BICC1: variants seen among roughly 807,000 people sequenced by gnomAD.
BICC1 encodes BicC family RNA binding protein 1.
A neutral mutation model predicts 111.0 loss-of-function variants in BICC1; 43 were observed. The observed-to-expected ratio is 0.39, with a 90% CI of 0.30 to 0.50. The LOEUF (loss-of-function observed/expected upper bound fraction) is 0.50, where lower values mean the gene tolerates loss of function less well. Ranked by LOEUF, BICC1 falls within the 20% of genes least tolerant of loss-of-function variation. The pLI is 0.88. For missense variants in BICC1, 1,091 were observed against 1,203.2 expected (o/e 0.91, Z 1.38); for synonymous variants, 467 against 434.4 (o/e 1.07, Z -0.93).
chr10:58,683,943 G>A (rs559134282), intron 2 of BICC1, among the ~76,000 whole-genome samples: 2 of 152,308 alleles, frequency 1.3e-5, no homozygotes, highest in South Asian at 2.1e-4. Flanking sequence ...GGGCATCCCT[G>A]TCTTGTGCCA....
At chr10:58,543,287 C>G (rs918301638) in intron 1 of BICC1, among the ~76,000 whole-genome samples, 1 of 152,072 alleles carries the variant, frequency 6.6e-6, no homozygotes, top group Non-Finnish European at 1.5e-5. Context: ...CATGATTCCA[C>G]TTACATGAGG....
chr10:58,707,731 C>T (rs1054348476), intron 3 of BICC1, among the ~76,000 whole-genome samples: 15 of 151,824 alleles, frequency 9.9e-5, no homozygotes, highest in South Asian at 8.3e-4. Flanking sequence ...GAGTTTTGCT[C>T]TTATTGCCCA....
intron 2 of BICC1, among the ~76,000 whole-genome samples, chr10:58,652,404 G>A (rs895817925): frequency 1.3e-5 from 2 of 152,010 alleles, no homozygotes; most frequent in Non-Finnish European, 2.9e-5. Flanking sequence ...TCTTTTGCTC[G>A]TAAATCTGAA....
intron 3 of BICC1, among the ~76,000 whole-genome samples, chr10:58,768,747 TATAAG>T (rs1842528926): frequency 1.3e-5 from 2 of 152,076 alleles, no homozygotes; most frequent in Non-Finnish European, 2.9e-5. Context: ...GACTCATAAC[TATAAG>T]ATGTTTTGTG....
At chr10:58,667,159 C>T (rs2132309963) in intron 2 of BICC1, among the ~76,000 whole-genome samples, 1 of 152,182 alleles carries the variant, frequency 6.6e-6, no homozygotes, top group Non-Finnish European at 1.5e-5. Context: ...GTTTGTACCT[C>T]TGTAGATTAT....
intron 3 of BICC1, among the ~76,000 whole-genome samples, chr10:58,744,632 G>A (rs1176272135): frequency 6.6e-6 from 1 of 151,934 alleles, no homozygotes; most frequent in Non-Finnish European, 1.5e-5. Flanking sequence ...CATTGAAGAG[G>A]AAGCATAAAA....
chr10:58,693,731 G>A (rs1254417267), intron 2 of BICC1, among the ~76,000 whole-genome samples: 1 of 151,974 alleles, frequency 6.6e-6, no homozygotes, highest in Non-Finnish European at 1.5e-5. Flanking sequence ...TTGTAAATTT[G>A]TTTGAGTTCA....
chr10:58,544,005 TG>T (rs1459260724), intron 1 of BICC1, among the ~76,000 whole-genome samples: 3 of 152,072 alleles, frequency 2.0e-5, no homozygotes, highest in Non-Finnish European at 4.4e-5. Flanking sequence ...GAGTCATAAC[TG>T]GTTACCTTTG....
At chr10:58,648,598 TTTC>T in intron 2 of BICC1, 1 of 984,362 alleles carries the variant, frequency 1.0e-6, no homozygotes, top group East Asian at 1.1e-4. Context: ...TCTCTCTCTC[TTTC>T]TCTCTCTCTT....
intron 2 of BICC1, among the ~76,000 whole-genome samples, chr10:58,679,464 C>A (rs1463685749): frequency 1.3e-5 from 2 of 152,144 alleles, no homozygotes; most frequent in Non-Finnish European, 2.9e-5. Context: ...TGGACACATA[C>A]ACCCTCCAAA....
intron 2 of BICC1, among the ~76,000 whole-genome samples, chr10:58,651,790 A>G (rs960342546): frequency 6.6e-6 from 1 of 152,070 alleles, no homozygotes; most frequent in Non-Finnish European, 1.5e-5. Context: ...AAAATAAGTT[A>G]TTTCCCCAAA....
chr10:58,663,233 A>AT (rs919161061), intron 2 of BICC1, among the ~76,000 whole-genome samples: 2 of 151,540 alleles, frequency 1.3e-5, no homozygotes, highest in African/African-American at 4.8e-5. Flanking sequence ...TACCTGGCTA[A>AT]TTTTTTTATT....
chr10:58,591,314 A>G (rs1356536565), intron 1 of BICC1, among the ~76,000 whole-genome samples: 2 of 152,198 alleles, frequency 1.3e-5, no homozygotes, highest in African/African-American at 4.8e-5. Context: ...TTAGCATAGT[A>G]AAAACTATGG....
intron 2 of BICC1, among the ~76,000 whole-genome samples, chr10:58,645,107 T>C (rs1389572909): frequency 1.3e-5 from 2 of 152,054 alleles, no homozygotes; most frequent in African/African-American, 2.4e-5. Flanking sequence ...GCTCATGATA[T>C]GTTTTAAAGA....
intron 1 of BICC1, among the ~76,000 whole-genome samples, chr10:58,561,195 A>G (rs181832026): frequency 6.6e-6 from 1 of 152,054 alleles, no homozygotes; most frequent in African/African-American, 2.4e-5. Flanking sequence ...TAATATTTAG[A>G]TCTATTAATT....
intron 3 of BICC1, among the ~76,000 whole-genome samples, chr10:58,704,022 A>G (rs1274404952): frequency 6.6e-6 from 1 of 152,246 alleles, no homozygotes; most frequent in Non-Finnish European, 1.5e-5. Flanking sequence ...TAGACATTTC[A>G]GAAAATGTGG....
chr10:58,757,761 G>A (rs1486133062), intron 3 of BICC1, among the ~76,000 whole-genome samples: 2 of 152,170 alleles, frequency 1.3e-5, no homozygotes, highest in African/African-American at 4.8e-5. Context: ...TGGGTAAACT[G>A]TGTTAGAACC....
chr10:58,599,722 T>C (rs1844962420), intron 1 of BICC1, among the ~76,000 whole-genome samples: 1 of 152,068 alleles, frequency 6.6e-6, no homozygotes, highest in Admixed American at 6.6e-5. Context: ...CAGAAAGGGG[T>C]TGGGGACAGT....
chr10:58,675,714 T>A (rs1317635951), intron 2 of BICC1, among the ~76,000 whole-genome samples: 2 of 152,240 alleles, frequency 1.3e-5, no homozygotes, highest in Non-Finnish European at 2.9e-5. Flanking sequence ...TGTTAATTAA[T>A]TAGATTGTGA....
Sources: gnomAD v4.1 joint callset for allele counts (sites outside exome capture counted in the v4.1 genomes callset) on GRCh38, gnomAD v4.1.1 for gene constraint, MANE v1.5 for transcripts, NCBI Gene and HGNC (gene_info 2026-07-23, HGNC 2026-07-21) for gene names.